DOCK2: variants seen among roughly 807,000 people sequenced by gnomAD.
The protein encoded by DOCK2 is dedicator of cytokinesis 2.
DOCK2 carries 87 observed loss-of-function variants against 248.9 expected under a neutral mutation model. The observed-to-expected ratio is 0.35, with a 90% CI of 0.29 to 0.42. The LOEUF is 0.42. DOCK2 is among the 10% of genes least tolerant of loss of function. DOCK2 has a pLI of 1.00. For missense variants in DOCK2, 1,747 were observed against 2,300.2 expected (o/e 0.76, Z 4.92); for synonymous variants, 805 against 821.6 (o/e 0.98, Z 0.35).
At chr5:169,783,165 C>T (rs1267618280) in intron 25 of DOCK2, among the ~76,000 whole-genome samples, 6 of 152,126 alleles carry the variant, frequency 3.9e-5, no homozygotes, top group Non-Finnish European at 7.4e-5. Flanking sequence ...TTTAAAACCT[C>T]CAAAAGATTA....
rs537508411 is a variant in DOCK2 at position 169,678,654 on chromosome 5, T to C, written c.471-3090T>C. Among the ~76,000 whole-genome samples, 28 of 152,232 alleles carry C rather than the reference T, an allele frequency of 1.8e-4. 1 individual carries two copies. In the South Asian group the frequency reaches 5.6e-3, roughly 31 times the overall value. On this transcript the variant is annotated intron_variant, in intron 6 of 51. Coordinates refer to ENST00000520908, the MANE Select transcript of DOCK2 (RefSeq NM_004946.3). ...TCCTGGTGGTCTTTTGAACGGCAGGTGATTTTGCTCAAGATGCAGTGGAAT... is the reference window on the plus strand; with the variant it reads ...TCCTGGTGGTCTTTTGAACGGCAGGCGATTTTGCTCAAGATGCAGTGGAAT...
chr5:169,730,650 C>T (rs778172337), intron 22 of DOCK2, among the ~76,000 whole-genome samples: 16 of 152,260 alleles, frequency 1.1e-4, no homozygotes, highest in Non-Finnish European at 1.9e-4. Flanking sequence ...CATAAACTGT[C>T]CATTCTTTAA....
In DOCK2 at chr5:169,783,115, C is replaced by T. The variant is rs548852094; in HGVS notation, c.2555-19943C>T. ...TAATAAGCAAAGCGCCATGAGACTT[C>T]AGAGGAGAGAGCCAGAGGATGTTAA... On this transcript the variant is annotated intron_variant, in intron 25 of 51. Coordinates refer to ENST00000520908, the MANE Select transcript of DOCK2 (RefSeq NM_004946.3). Among the ~76,000 whole-genome samples, 9 of 152,234 alleles carry T rather than the reference C, an allele frequency of 5.9e-5. No individual in the cohort carries two copies. The South Asian group carries it at 1.9e-3, about 32-fold the overall frequency.
intron 22 of DOCK2, among the ~76,000 whole-genome samples, chr5:169,720,585 T>A (rs1762141523): frequency 6.6e-6 from 1 of 152,148 alleles, no homozygotes; most frequent in Non-Finnish European, 1.5e-5. Context: ...GTTCTGAGCT[T>A]GTGGAATTAT....
intron 46 of DOCK2, among the ~76,000 whole-genome samples, chr5:170,073,140 A>G (rs1313369723): frequency 6.6e-6 from 1 of 152,226 alleles, no homozygotes; most frequent in African/African-American, 2.4e-5. Context: ...GTTTTGTCTT[A>G]TACATTTAGG....
At chr5:169,908,403 C>A (rs116758662) in intron 27 of DOCK2, among the ~76,000 whole-genome samples, 1 of 152,244 alleles carries the variant, frequency 6.6e-6, no homozygotes, top group South Asian at 2.1e-4. Context: ...AATATGCTTT[C>A]CCCTGCTCCA....
intron 27 of DOCK2, among the ~76,000 whole-genome samples, chr5:169,906,416 G>A (rs1194496446): frequency 6.6e-6 from 1 of 152,176 alleles, no homozygotes; most frequent in African/African-American, 2.4e-5. Flanking sequence ...GCTTGGTACT[G>A]TTATCCCCAC....
In DOCK2 at chr5:169,718,690, T is replaced by C; in HGVS notation, c.2166T>C (p.Asp722=). Residue 722 remains aspartate, a synonymous_variant, in exon 22 of 52, where the codon GAT becomes GAC. Transcript: ENST00000520908. ...TGACAGTGCTGAAGACTTACTTGGA[T>C]ACCTCCAGCAGAGGGGAGCAATGTG... ...KLMTVLKTYL[D]TSSRGEQCEP... The C allele has an allele frequency of 6.2e-7, 1 of 1,613,806 alleles. No homozygotes were observed. Among genetic ancestry groups the C allele is most frequent in the Non-Finnish European group, 8.5e-7 (1 of 1,179,776 alleles).
chr5:169,706,220 G>T (rs1250294657), intron 14 of DOCK2, among the ~76,000 whole-genome samples: 2 of 152,198 alleles, frequency 1.3e-5, no homozygotes, highest in Non-Finnish European at 2.9e-5. Context: ...TGCCTGCCAT[G>T]CGGCAGTTTT....
intron 22 of DOCK2, among the ~76,000 whole-genome samples, chr5:169,744,451 C>T (rs1298307789): frequency 1.3e-5 from 2 of 152,174 alleles, no homozygotes; most frequent in African/African-American, 2.4e-5. Flanking sequence ...CCGGACTTCC[C>T]AGCAGCTCTT....
chr5:169,711,514 C>T (rs1160976707), intron 15 of DOCK2, among the ~76,000 whole-genome samples: 1 of 152,222 alleles, frequency 6.6e-6, no homozygotes, highest in Non-Finnish European at 1.5e-5. Flanking sequence ...TGAGATTCCT[C>T]AAGCAAACCC....
chr5:169,843,707 C>T (rs1280664848), intron 27 of DOCK2, among the ~76,000 whole-genome samples: 1 of 152,184 alleles, frequency 6.6e-6, no homozygotes, highest in Non-Finnish European at 1.5e-5. Flanking sequence ...CAGTCACTTT[C>T]TTTCCCTCCT....
chr5:169,859,827 AT>A (rs1363734695), intron 27 of DOCK2, among the ~76,000 whole-genome samples: 5 of 152,136 alleles, frequency 3.3e-5, no homozygotes, highest in African/African-American at 9.7e-5. Flanking sequence ...CCTCTAGGAT[AT>A]TTGATTCCAC....
chr5:169,857,754 A>G (rs887890181), intron 27 of DOCK2, among the ~76,000 whole-genome samples: 1 of 152,098 alleles, frequency 6.6e-6, no homozygotes, highest in Non-Finnish European at 1.5e-5. Context: ...AAAAGAAAAA[A>G]GAAAATCACA....
intron 44 of DOCK2, 144 bp downstream of exon 44, chr5:170,057,810 G>A (rs1757186670): frequency 4.3e-6 from 3 of 697,832 alleles, no homozygotes; most frequent in Middle Eastern, 4.1e-4. Flanking sequence ...CATGCAGGCA[G>A]CATTCAGAAT....
At chr5:169,843,629 T>G (rs890907282) in intron 27 of DOCK2, among the ~76,000 whole-genome samples, 3 of 152,232 alleles carry the variant, frequency 2.0e-5, no homozygotes, top group Non-Finnish European at 2.9e-5. Context: ...TTTAGAAAAT[T>G]TATAGTTATG....
intron 26 of DOCK2, among the ~76,000 whole-genome samples, chr5:169,811,421 A>G (rs374237184): frequency 1.5e-4 from 23 of 152,330 alleles, no homozygotes; most frequent in African/African-American, 5.3e-4. Context: ...TTTGAAATAA[A>G]AGGCAGGGAG....
chr5:169,780,358 C>A (rs1309418117), intron 25 of DOCK2, among the ~76,000 whole-genome samples: 1 of 151,190 alleles, frequency 6.6e-6, no homozygotes, highest in Non-Finnish European at 1.5e-5. Flanking sequence ...TTCTAACACA[C>A]CTTCCAAAAT....
intron 25 of DOCK2, among the ~76,000 whole-genome samples, chr5:169,800,886 G>A (rs2113117877): frequency 6.6e-6 from 1 of 151,530 alleles, no homozygotes; most frequent in East Asian, 1.9e-4. Context: ...TGGGATGAAA[G>A]CGGAGCCTGA....
Sources: allele counts gnomAD v4.1 joint callset (sites outside exome capture counted in the v4.1 genomes callset), GRCh38; gene constraint gnomAD v4.1.1; transcripts MANE v1.5; gene names NCBI Gene and HGNC (gene_info 2026-07-23, HGNC 2026-07-21).